Variants in MAPKAPK2 observed in about 807,000 individuals in gnomAD.
MAPKAPK2 encodes the protein MAP kinase-activated protein kinase 2.
A neutral mutation model predicts 48.8 loss-of-function variants in MAPKAPK2; 9 were observed. The observed-to-expected ratio is 0.18, with a 90% CI of 0.11 to 0.32. The LOEUF (loss-of-function observed/expected upper bound fraction) is 0.32. Among genes scored for constraint, MAPKAPK2 ranks in the 10% least tolerant of loss-of-function variants. MAPKAPK2 has a pLI of 1.00. For missense variants in MAPKAPK2, 331 were observed against 498.3 expected (o/e 0.66, Z 3.20); for synonymous variants, 202 against 190.6 (o/e 1.06, Z -0.49).
Position 206,732,089 on chromosome 1 carries a change from T to A in MAPKAPK2, c.1059+170T>A, listed in dbSNP as rs1673933514. Reference sequence around the variant, plus strand: ...CCAGGCCACTTGGCTGACCAGGTTGTGAGCAGAGGATTCTGTGTTCCTGTC... The same window carrying A: ...CCAGGCCACTTGGCTGACCAGGTTGAGAGCAGAGGATTCTGTGTTCCTGTC... On this transcript the variant is annotated intron_variant, in intron 9 of 9. Coordinates refer to ENST00000367103, the MANE Select transcript of MAPKAPK2 (RefSeq NM_032960.4). The surrounding 1 kb of genome is among the most constrained non-coding windows in gnomAD (Gnocchi z 4.4). The A allele has an allele frequency of 6.2e-7, 1 of 1,614,060 alleles. No individual in the cohort carries two copies. The highest frequency in any genetic ancestry group is 2.2e-5 in the East Asian group (1 of 44,906).
Position 206,706,837 on chromosome 1 carries a change from C to T in MAPKAPK2, c.279+21329C>T, listed in dbSNP as rs573227348. 3.9e-5 allele frequency among the ~76,000 whole-genome samples: 6 copies of T among 152,318 alleles called. No homozygotes were observed. The South Asian group carries it at 1.2e-3, about 32-fold the overall frequency. On this transcript the variant is annotated intron_variant, in intron 1 of 9. Transcript: ENST00000367103. ...GGCTTGAGTGCTGAGCATTTACCTGCAGCCCCTCGGGGCTAGAAGGCAGGG... is the reference window on the plus strand; with the variant it reads ...GGCTTGAGTGCTGAGCATTTACCTGTAGCCCCTCGGGGCTAGAAGGCAGGG...
chr1:206,730,790 T>TGGGG, intron 6 of MAPKAPK2, 27 bp downstream of exon 6: 2 of 657,992 alleles, frequency 3.0e-6, no homozygotes, highest in Non-Finnish European at 2.7e-6. Flanking sequence ...GGGGGCTGGG[T>TGGGG]GGGGCAGGGA....
rs567078705 is a variant in MAPKAPK2, at chr1:206,728,639, G to A, written c.280-71G>A. 3.2e-6 allele frequency: 5 copies of A among 1,542,468 alleles called. No individual in the cohort carries two copies. In the Admixed American group the frequency reaches 7.5e-5, roughly 23 times the overall value. On this transcript the variant is annotated intron_variant, in intron 1 of 9. Coordinates refer to ENST00000367103, the MANE Select transcript of MAPKAPK2 (RefSeq NM_032960.4). ...GTGGTATGTCGGTGGCGATGTCAGGGCATGTGGGCCAGGGGCTTAGAGCAG... is the reference window on the plus strand; with the variant it reads ...GTGGTATGTCGGTGGCGATGTCAGGACATGTGGGCCAGGGGCTTAGAGCAG...
chr1:206,686,969 A>G (rs1022902960), intron 1 of MAPKAPK2, among the ~76,000 whole-genome samples: 2 of 152,212 alleles, frequency 1.3e-5, no homozygotes, highest in Non-Finnish European at 2.9e-5. Flanking sequence ...TTCCCTACTC[A>G]TAACTGAAGG....
Position 206,728,723 on chromosome 1 carries a change from G to A in MAPKAPK2, c.293G>A (p.Cys98Tyr). Residue 98 changes from cysteine to tyrosine, a missense_variant, in exon 2 of 10, where the codon TGC becomes TAC. Transcript: ENST00000367103. Reference sequence around the variant, plus strand: ...TTTGGCCTGCAGATGCTTCAGGACTGCCCCAAGGCCCGCAGGGAGGTGGAG... The same window carrying A: ...TTTGGCCTGCAGATGCTTCAGGACTACCCCAAGGCCCGCAGGGAGGTGGAG... ...EKFALKMLQD[C>Y]PKARREVELH... 1 of 1,614,012 alleles carries A rather than the reference G, an allele frequency of 6.2e-7. No individual in the cohort carries two copies.
At chr1:206,727,301 CAG>C (rs1673730802) in intron 1 of MAPKAPK2, among the ~76,000 whole-genome samples, 1 of 152,218 alleles carries the variant, frequency 6.6e-6, no homozygotes, top group African/African-American at 2.4e-5. Context: ...ATCTGTGAAA[CAG>C]AAGCCATTAT....
Position 206,685,295 on chromosome 1 carries a change from G to GC in MAPKAPK2, c.72dup (p.Thr25HisfsTer38). ...TCCCCGCCCCGGCCCCGCCGCCGCA[G>GC]CCCCCCACCCCTGCCCTGCCGCACC... On this transcript the variant is annotated frameshift_variant, in exon 1 of 10. Coordinates refer to ENST00000367103, the MANE Select transcript of MAPKAPK2 (RefSeq NM_032960.4). LOFTEE classifies it high-confidence loss of function. 7 of 306,702 alleles carry GC rather than the reference G, an allele frequency of 2.3e-5. No homozygotes were observed. Among genetic ancestry groups the GC allele is most frequent in the East Asian group, 1.0e-4 (1 of 9,578 alleles). 19.0% of individuals were successfully genotyped at this position (306,702 alleles called of 1,614,324 possible). A position where few individuals can be genotyped will look rare whatever the true frequency, so the allele number is the denominator to read the frequency against.
chr1:206,713,510 C>T (rs1673224784), intron 1 of MAPKAPK2, among the ~76,000 whole-genome samples: 1 of 152,190 alleles, frequency 6.6e-6, no homozygotes, highest in South Asian at 2.1e-4. Context: ...CTTTGCCTTT[C>T]AGCATGTGAC....
chr1:206,699,554 T>C (rs1672735016), intron 1 of MAPKAPK2, among the ~76,000 whole-genome samples: 1 of 152,164 alleles, frequency 6.6e-6, no homozygotes, highest in Non-Finnish European at 1.5e-5. Context: ...TTGAGATTGG[T>C]GTGAACCAAC....
intron 1 of MAPKAPK2, among the ~76,000 whole-genome samples, chr1:206,698,125 C>T (rs1452790617): frequency 6.6e-6 from 1 of 152,238 alleles, no homozygotes; most frequent in African/African-American, 2.4e-5. Flanking sequence ...GTTACTTCAC[C>T]TTTTTCCTGG....
In MAPKAPK2 at chr1:206,728,786, G is replaced by C; in HGVS notation, c.356G>C (p.Arg119Pro). ...GCCTCCCAGTGCCCGCACATCGTACGGATCGTGGATGTGTACGAGAATCTG... is the reference window on the plus strand; with the variant it reads ...GCCTCCCAGTGCCCGCACATCGTACCGATCGTGGATGTGTACGAGAATCTG... ...WRASQCPHIVRIVDVYENLYA... is the reference protein window; with the variant it reads ...WRASQCPHIVPIVDVYENLYA... Residue 119 changes from arginine to proline, a missense_variant, in exon 2 of 10, where the codon CGG (arginine) becomes CCG (proline). By Grantham distance (103) the Arg-to-Pro change is moderately radical. Transcript: ENST00000367103. 6.2e-7 allele frequency: 1 copy of C among 1,614,094 alleles called. No homozygotes were observed. The highest frequency in any genetic ancestry group is 8.5e-7 in the Non-Finnish European group (1 of 1,179,996).
intron 4 of MAPKAPK2, 130 bp downstream of exon 4, chr1:206,729,605 C>T (rs1673832302): frequency 3.8e-6 from 3 of 795,142 alleles, no homozygotes; most frequent in Non-Finnish European, 4.2e-6. Context: ...CATTCTCTGC[C>T]TTGTAGGGCC....
chr1:206,714,872 C>T (rs1308633406), intron 1 of MAPKAPK2, among the ~76,000 whole-genome samples: 1 of 151,850 alleles, frequency 6.6e-6, no homozygotes, highest in East Asian at 1.9e-4. Flanking sequence ...TCCCTCTTGG[C>T]TAGACTGTGA....
intron 1 of MAPKAPK2, among the ~76,000 whole-genome samples, chr1:206,706,096 G>A (rs1180700354): frequency 6.6e-6 from 1 of 151,500 alleles, no homozygotes; most frequent in African/African-American, 2.4e-5. Context: ...TTAAGGCGGG[G>A]TCAGGATTTC....
chr1:206,695,411 A>T (rs1553426845), intron 1 of MAPKAPK2, among the ~76,000 whole-genome samples: 1 of 149,684 alleles, frequency 6.7e-6, no homozygotes, highest in Non-Finnish European at 1.5e-5. Flanking sequence ...TGCAGAATAC[A>T]TGAGATATCC....
At position 206,731,654 on chromosome 1, in the gene MAPKAPK2, C is replaced by G; in HGVS notation, c.907C>G (p.Arg303Gly). The G allele has an allele frequency of 6.2e-7, 1 of 1,613,898 alleles. No homozygotes were observed. Among genetic ancestry groups the G allele is most frequent in the South Asian group, 1.1e-5 (1 of 91,070 alleles). ...EVSEEVKMLIRNLLKTEPTQR... is the reference protein window; with the variant it reads ...EVSEEVKMLIGNLLKTEPTQR... Reference sequence around the variant, plus strand: ...CCACCCCACAGTGAAGATGCTCATTCGGAATCTGCTGAAAACAGAGCCCAC... The same window carrying G: ...CCACCCCACAGTGAAGATGCTCATTGGGAATCTGCTGAAAACAGAGCCCAC... The change falls in exon 8 of 10, where the codon CGG becomes GGG. Residue 303 changes from arginine to glycine, a missense_variant. Coordinates refer to ENST00000367103, the MANE Select transcript of MAPKAPK2 (RefSeq NM_032960.4). This position sits in a 1 kb window ranked among gnomAD's most constrained non-coding sequence, Gnocchi z 5.9.
At chr1:206,688,929 C>T (rs565599845) in intron 1 of MAPKAPK2, among the ~76,000 whole-genome samples, 18 of 152,208 alleles carry the variant, frequency 1.2e-4, no homozygotes, top group South Asian at 4.2e-4. Flanking sequence ...CTACCGCGCC[C>T]GGCCTGTATT....
chr1:206,731,324 G>A lies in MAPKAPK2; in HGVS notation c.892+62G>A. On this transcript the variant is annotated intron_variant, in intron 7 of 9. Coordinates refer to ENST00000367103, the MANE Select transcript of MAPKAPK2 (RefSeq NM_032960.4). This position sits in a 1 kb window ranked among gnomAD's most constrained non-coding sequence, Gnocchi z 5.9. ...CGTGTGTGTGTGTGTGTGTGTATGT[G>A]TGTACACGCAGACACATGTATGGGC... is the stretch of plus-strand genomic sequence containing the variant. 1 of 1,603,380 alleles carries A rather than the reference G, an allele frequency of 6.2e-7. No homozygotes were observed.
In MAPKAPK2 at chr1:206,728,910, A is replaced by G. The variant is rs540743099; in HGVS notation, c.419+61A>G. 2.5e-6 allele frequency: 4 copies of G among 1,611,956 alleles called. No homozygotes were observed. The South Asian group carries it at 4.4e-5, about 18-fold the overall frequency. Reference sequence around the variant, plus strand: ...TTCCCACTCCTCACTCAGGCACCTTACCCTCTGAGGACAGCCCAGGGATGG... The same window carrying G: ...TTCCCACTCCTCACTCAGGCACCTTGCCCTCTGAGGACAGCCCAGGGATGG... On this transcript the variant is annotated intron_variant, in intron 2 of 9. Coordinates refer to ENST00000367103, the MANE Select transcript of MAPKAPK2 (RefSeq NM_032960.4).
Sources: allele counts gnomAD v4.1 joint callset (sites outside exome capture counted in the v4.1 genomes callset), GRCh38; gene constraint gnomAD v4.1.1; non-coding constraint Gnocchi (gnomAD v3.1); transcripts MANE v1.5; gene names NCBI Gene and HGNC (gene_info 2026-07-23, HGNC 2026-07-21).